Variants in OR6N1 observed in about 807,000 individuals in gnomAD.
OR6N1 encodes the protein olfactory receptor 6N1.
For synonymous variants in OR6N1, 170 were observed against 150.7 expected, an observed-to-expected ratio of 1.13 and a Z score of -0.94; for missense variants, 394 against 371.7, an observed-to-expected ratio of 1.06 and a Z score of -0.49.
At chr1:158,806,743 G>C in the OR6N1 span, among the ~76,000 whole-genome samples, 1 of 151,442 alleles carries the variant, frequency 6.6e-6, no homozygotes, top group Non-Finnish European at 1.5e-5. Flanking sequence ...TATGTTTTTT[G>C]CCCAAAATCA....
At chr1:158,815,516 C>T in the OR6N1 span, among the ~76,000 whole-genome samples, 1 of 152,034 alleles carries the variant, frequency 6.6e-6, no homozygotes, top group Non-Finnish European at 1.5e-5. Context: ...TTTACAAGGG[C>T]CCAGAGATAT....
chr1:158,803,630 C>T, the OR6N1 span, among the ~76,000 whole-genome samples: 1 of 152,212 alleles, frequency 6.6e-6, no homozygotes, highest in Admixed American at 6.5e-5. Flanking sequence ...CTTTCTGCAT[C>T]ATTTGTATTG....
the OR6N1 span, among the ~76,000 whole-genome samples, chr1:158,804,803 C>A: frequency 6.1e-4 from 92 of 152,062 alleles, no homozygotes; most frequent in African/African-American, 2.1e-3. Flanking sequence ...ATTCATTTAT[C>A]TATTTATTTA....
the OR6N1 span, among the ~76,000 whole-genome samples, chr1:158,838,418 T>C: frequency 6.6e-6 from 1 of 152,222 alleles, no homozygotes; most frequent in South Asian, 2.1e-4. Flanking sequence ...TACCTTCTGG[T>C]CTACAAAGTA....
At chr1:158,833,742 C>A in the OR6N1 span, among the ~76,000 whole-genome samples, 1 of 152,044 alleles carries the variant, frequency 6.6e-6, no homozygotes, top group Non-Finnish European at 1.5e-5. Context: ...TCTTTTTATT[C>A]ATTCATCCAT....
the OR6N1 span, among the ~76,000 whole-genome samples, chr1:158,795,161 T>TC: frequency 2.0e-5 from 3 of 152,032 alleles, no homozygotes; most frequent in Non-Finnish European, 4.4e-5. Flanking sequence ...CACAAAAGAC[T>TC]CCAAACAGGC....
the OR6N1 span, among the ~76,000 whole-genome samples, chr1:158,840,195 T>C: frequency 1.3e-5 from 2 of 152,166 alleles, no homozygotes; most frequent in Non-Finnish European, 2.9e-5. Flanking sequence ...ACTATTCACA[T>C]TAAAGTGAGA....
chr1:158,765,367 A>G lies in OR6N1; in HGVS notation c.*377T>C, dbSNP rs1657219780. 2 of 163,332 alleles carry G rather than the reference A, an allele frequency of 1.2e-5. No individual in the cohort carries two copies. Among genetic ancestry groups the G allele is most frequent in the South Asian group, 3.7e-4 (2 of 5,438 alleles). 10.1% of individuals were successfully genotyped at this position (163,332 alleles called of 1,614,324 possible). ...TGGTACAAAAAACATCATGAATCACATTTTGTTTAGGACATGCCTGACTAT... is the reference window on the plus strand; with the variant it reads ...TGGTACAAAAAACATCATGAATCACGTTTTGTTTAGGACATGCCTGACTAT... On this transcript the variant is annotated 3_prime_UTR_variant, in exon 2 of 2. Coordinates refer to ENST00000641846, the MANE Select transcript of OR6N1 (RefSeq NM_001005185.2).
chr1:158,809,940 C>T, the OR6N1 span, among the ~76,000 whole-genome samples: 20 of 152,138 alleles, frequency 1.3e-4, no homozygotes, highest in African/African-American at 4.8e-4. Context: ...TAGGAATTCT[C>T]GAAAAGGAAA....
At chr1:158,812,999 A>G in the OR6N1 span, among the ~76,000 whole-genome samples, 1 of 152,238 alleles carries the variant, frequency 6.6e-6, no homozygotes, top group African/African-American at 2.4e-5. Context: ...AAACAGTAGG[A>G]ACACTTATAT....
the OR6N1 span, among the ~76,000 whole-genome samples, chr1:158,780,046 G>T: frequency 6.6e-6 from 1 of 152,042 alleles, no homozygotes; most frequent in Non-Finnish European, 1.5e-5. Context: ...TTTCTCTTTT[G>T]CACCTGAACA....
upstream of OR6N1, among the ~76,000 whole-genome samples, chr1:158,772,871 C>A (rs1657457787): frequency 6.6e-6 from 1 of 152,108 alleles, no homozygotes; most frequent in South Asian, 2.1e-4. Context: ...ATGATAAGTA[C>A]TATATGTGAG....
At chr1:158,773,808 T>C (rs1276166985), upstream of OR6N1, among the ~76,000 whole-genome samples, 1 of 152,144 alleles carries the variant, frequency 6.6e-6, no homozygotes, top group Non-Finnish European at 1.5e-5. Context: ...ATAATTTATG[T>C]CTATGTGTGT....
At chr1:158,776,137 G>C (rs1367395976), upstream of OR6N1, 1 of 152,244 alleles carries the variant, frequency 6.6e-6, no homozygotes, top group Admixed American at 6.5e-5. Context: ...AGGTAATGAT[G>C]TCATGAGAGT....
the OR6N1 span, among the ~76,000 whole-genome samples, chr1:158,786,547 T>A: frequency 2.6e-5 from 4 of 152,180 alleles, no homozygotes; most frequent in African/African-American, 7.2e-5. Context: ...TGGACCTGCA[T>A]GTTTGTAGCA....
the OR6N1 span, among the ~76,000 whole-genome samples, chr1:158,779,066 G>T: frequency 1.4e-5 from 2 of 145,326 alleles, no homozygotes; most frequent in Non-Finnish European, 3.0e-5. Flanking sequence ...TGATAGAGTG[G>T]CAATAAACAT....
chr1:158,793,816 A>C, the OR6N1 span, among the ~76,000 whole-genome samples: 2 of 152,204 alleles, frequency 1.3e-5, no homozygotes, highest in Admixed American at 1.3e-4. Flanking sequence ...GGGTAAATGC[A>C]ATACCTCAAT....
At chr1:158,773,285 A>G (rs576490744), upstream of OR6N1, among the ~76,000 whole-genome samples, 2 of 152,202 alleles carry the variant, frequency 1.3e-5, no homozygotes, top group South Asian at 4.1e-4. Flanking sequence ...TTTTTTGACT[A>G]GTATACGTAG....
the OR6N1 span, among the ~76,000 whole-genome samples, chr1:158,835,153 C>A: frequency 6.6e-6 from 1 of 152,174 alleles, no homozygotes. Flanking sequence ...GTAAAAAACA[C>A]TTCTGGGATT....
Sources: allele counts gnomAD v4.1 joint callset (sites outside exome capture counted in the v4.1 genomes callset), GRCh38; gene constraint gnomAD v4.1.1; transcripts MANE v1.5; gene names NCBI Gene and HGNC (gene_info 2026-07-23, HGNC 2026-07-21).